Variants in GSE1 observed in about 807,000 individuals in gnomAD.
GSE1 encodes the protein Gse1 coiled-coil protein.
Under a neutral mutation model 112.6 loss-of-function variants are expected in GSE1, and 32 were observed. That is an observed-to-expected ratio of 0.28 (90% confidence interval 0.21 to 0.38). The LOEUF is 0.38. Ranked by LOEUF, GSE1 falls within the 10% of genes least tolerant of loss-of-function variation. The probability of loss-of-function intolerance (pLI) is 1.00; values close to 1 mark genes in which losing one functional copy is unlikely to be tolerated. For synonymous variants in GSE1, 1,115 were observed against 735.6 expected, an observed-to-expected ratio of 1.52 and a Z score of -8.35; for missense variants, 2,348 against 1,699.2, an observed-to-expected ratio of 1.38 and a Z score of -6.71.
At chr16:85,181,647 G>T (rs1163979609) in intron 1 of GSE1, among the ~76,000 whole-genome samples, 1 of 152,232 alleles carries the variant, frequency 6.6e-6, no homozygotes, top group African/African-American at 2.4e-5. Flanking sequence ...TCCCGCTTCG[G>T]GTGGGAAGGT....
chr16:85,613,184 C>T, upstream of GSE1: 2 of 1,418,004 alleles, frequency 1.4e-6, no homozygotes, highest in South Asian at 1.5e-5. Flanking sequence ...GAGCCAGTGG[C>T]CCGGGAGTGG....
At chr16:85,611,458 G>A (rs780488438), upstream of GSE1, 2,336 of 984,924 alleles carry the variant, frequency 2.4e-3, 5 homozygotes, top group Non-Finnish European at 2.7e-3. Context: ...CAAGGGGGGC[G>A]CCGCCGGTGA....
rs1555527971 is a variant in GSE1 at position 85,528,496 on chromosome 16, T to TA, written c.2465-105416dup. On this transcript the variant is annotated intron_variant, in intron 2 of 2. Transcript: ENST00000637419. ...CCCCGGCTAATTTTTTTTTTTTTTT[T>TA]AATTTTTAGTAGAGATGAGATCTCA... Among the ~76,000 whole-genome samples, 227 of 151,040 alleles carry TA rather than the reference T, an allele frequency of 1.5e-3. 1 individual carries two copies. Among genetic ancestry groups the TA allele is most frequent in the African/African-American group, 5.1e-3 (208 of 41,066 alleles).
At chr16:85,201,273 G>A (rs1233713072) in intron 1 of GSE1, among the ~76,000 whole-genome samples, 1 of 150,444 alleles carries the variant, frequency 6.6e-6, no homozygotes, top group Non-Finnish European at 1.5e-5. Context: ...GCCTCCCTGT[G>A]TTGCTCAGGC....
intron 1 of GSE1, among the ~76,000 whole-genome samples, chr16:85,584,635 G>A (rs1317314251): frequency 2.0e-5 from 3 of 151,958 alleles, no homozygotes. Context: ...TTTGGCGAAA[G>A]CCATCTGAGG....
At chr16:85,596,398 G>A (rs761170885) in intron 1 of GSE1, among the ~76,000 whole-genome samples, 25 of 152,196 alleles carry the variant, frequency 1.6e-4, no homozygotes, top group Non-Finnish European at 2.8e-4. Context: ...ACAGCAGCCG[G>A]GCACCTGGCT....
At chr16:85,287,863 G>A (rs1216359049) in intron 1 of GSE1, among the ~76,000 whole-genome samples, 2 of 152,126 alleles carry the variant, frequency 1.3e-5, no homozygotes, top group African/African-American at 2.4e-5. Context: ...TGTTCACAGC[G>A]GCATCCCTAG....
chr16:85,457,585 C>T lies in GSE1; in HGVS notation c.2464+99942C>T, dbSNP rs78795521. Among the ~76,000 whole-genome samples, 971 of 152,306 alleles carry T rather than the reference C, an allele frequency of 6.4e-3. 7 individuals carry two copies. Among genetic ancestry groups the T allele is most frequent in the Non-Finnish European group, 0.01 (702 of 68,014 alleles). On this transcript the variant is annotated intron_variant, in intron 2 of 2. Coordinates refer to the GSE1 transcript ENST00000637419. The stretch of plus-strand genomic sequence containing the variant: ...TGCAGAGAGCAGGGCAAGGGCTGGA[C>T]GGGCTCCTCCAGGGCCCCAGGCTAC...
intron 1 of GSE1, among the ~76,000 whole-genome samples, chr16:85,191,780 TG>T (rs778778388): frequency 8.5e-5 from 13 of 152,176 alleles, no homozygotes; most frequent in Non-Finnish European, 1.8e-4. Flanking sequence ...GGGCCGCTTG[TG>T]CTGATGCAAC....
chr16:85,359,582 C>A (rs57953410), intron 2 of GSE1: 9,585 of 353,744 alleles, frequency 0.027, 813 homozygotes, highest in African/African-American at 0.19. Flanking sequence ...TGCTTGTAAG[C>A]TGCTTGAAGA....
chr16:85,261,705 CG>C (rs1907701842), intron 1 of GSE1, among the ~76,000 whole-genome samples: 1 of 152,206 alleles, frequency 6.6e-6, no homozygotes, highest in Non-Finnish European at 1.5e-5. Flanking sequence ...CAGATGCTTT[CG>C]GACAGATCAT....
intron 1 of GSE1, among the ~76,000 whole-genome samples, chr16:85,567,104 A>G (rs2045788186): frequency 1.4e-5 from 2 of 141,348 alleles, no homozygotes; most frequent in Non-Finnish European, 3.1e-5. Context: ...AGTTTCACTC[A>G]CAGGCGGATT....
chr16:85,609,584 AC>A (rs1189829288), upstream of GSE1, among the ~76,000 whole-genome samples: 1 of 151,838 alleles, frequency 6.6e-6, no homozygotes, highest in Non-Finnish European at 1.5e-5. Context: ...GTCTCCAGAC[AC>A]CCCTCTTAGT....
rs538649442 is a variant in GSE1 at position 85,298,440 on chromosome 16, G to T, written c.2284-59023G>T. On this transcript the variant is annotated intron_variant, in intron 1 of 2. Transcript: ENST00000637419. Reference sequence around the variant, plus strand: ...TAGTATTTTATTTATTATTATTATTGTTATTTTGAGATGGAGTCTCTCTCT... The same window carrying T: ...TAGTATTTTATTTATTATTATTATTTTTATTTTGAGATGGAGTCTCTCTCT... Among the ~76,000 whole-genome samples, 27 of 152,172 alleles carry T rather than the reference G, an allele frequency of 1.8e-4. No homozygotes were observed. In the South Asian group the frequency reaches 5.4e-3, roughly 30 times the overall value.
intron 1 of GSE1, among the ~76,000 whole-genome samples, chr16:85,232,427 G>T (rs1226775975): frequency 6.6e-6 from 1 of 152,214 alleles, no homozygotes; most frequent in Non-Finnish European, 1.5e-5. Flanking sequence ...TCAGATGGGT[G>T]GATGGACAGG....
intron 2 of GSE1, among the ~76,000 whole-genome samples, chr16:85,527,566 C>G (rs2052403198): frequency 6.6e-6 from 1 of 152,268 alleles, no homozygotes; most frequent in Admixed American, 6.5e-5. Flanking sequence ...TTCCTACGCA[C>G]CCGCGCCACA....
chr16:85,317,249 T>C (rs2046004761), intron 1 of GSE1, among the ~76,000 whole-genome samples: 1 of 152,162 alleles, frequency 6.6e-6, no homozygotes, highest in African/African-American at 2.4e-5. Context: ...ACTTGCTCCA[T>C]GTCAGGGCTG....
chr16:85,452,944 G>C (rs1013657549), intron 2 of GSE1, among the ~76,000 whole-genome samples: 1 of 152,198 alleles, frequency 6.6e-6, no homozygotes, highest in Admixed American at 6.5e-5. Flanking sequence ...GGGCACTGAG[G>C]GTCCTCCCTG....
intron 1 of GSE1, among the ~76,000 whole-genome samples, chr16:85,242,005 TGCTCCC>T (rs1483273857): frequency 6.6e-6 from 1 of 152,090 alleles, no homozygotes; most frequent in African/African-American, 2.4e-5. Flanking sequence ...CAGGTTCCCT[TGCTCCC>T]TGCTACACCG....
Sources: allele counts gnomAD v4.1 joint callset (sites outside exome capture counted in the v4.1 genomes callset), GRCh38; gene constraint gnomAD v4.1.1; transcripts MANE v1.5; gene names NCBI Gene and HGNC (gene_info 2026-07-23, HGNC 2026-07-21).